Variants in DOCK5 observed in about 807,000 individuals in gnomAD.
DOCK5 encodes the protein dedicator of cytokinesis 5.
Under a neutral mutation model 251.8 loss-of-function variants are expected in DOCK5, and 142 were observed. That is an observed-to-expected ratio of 0.56 (90% confidence interval 0.49 to 0.65). The LOEUF (loss-of-function observed/expected upper bound fraction) is 0.65. Ranked by LOEUF, DOCK5 falls within the 30% of genes least tolerant of loss-of-function variation. The pLI is 0.00. For synonymous variants in DOCK5, 842 were observed against 835.5 expected (o/e 1.01, Z -0.13); for missense variants, 2,111 against 2,312.3 (o/e 0.91, Z 1.79).
intron 48 of DOCK5, among the ~76,000 whole-genome samples, chr8:25,404,565 C>CATTTTGG (rs1181993175): frequency 2.0e-5 from 3 of 152,094 alleles, no homozygotes; most frequent in Non-Finnish European, 4.4e-5. Context: ...CATTTTGGAG[C>CATTTTGG]ATTTTGGATT....
At chr8:25,396,005 T>C (rs1801339362) in intron 45 of DOCK5, 1 of 471,658 alleles carries the variant, frequency 2.1e-6, no homozygotes, top group Non-Finnish European at 3.9e-6. Context: ...TTATACAAAC[T>C]GATTGGTGGA....
At chr8:25,317,159 T>C (rs759629868) in intron 14 of DOCK5, 28 bp downstream of exon 14, 3 of 1,608,138 alleles carry the variant, frequency 1.9e-6, no homozygotes, top group Admixed American at 1.7e-5. Flanking sequence ...GAAATCCTGC[T>C]ACCATCGCAT....
At chr8:25,332,835 C>T in intron 20 of DOCK5, 143 bp downstream of exon 20, 1 of 623,546 alleles carries the variant, frequency 1.6e-6, no homozygotes, top group East Asian at 3.1e-5. Context: ...GGCTGAATTC[C>T]TAGAAGTACT....
intron 29 of DOCK5, among the ~76,000 whole-genome samples, chr8:25,364,252 C>G (rs538070516): frequency 5.3e-5 from 8 of 152,142 alleles, no homozygotes; most frequent in Non-Finnish European, 7.4e-5. Context: ...TTAGAAGAAG[C>G]CTTCTCTGCT....
intron 47 of DOCK5, among the ~76,000 whole-genome samples, chr8:25,403,034 G>C (rs984935753): frequency 6.6e-6 from 1 of 152,166 alleles, no homozygotes; most frequent in Non-Finnish European, 1.5e-5. Context: ...AATGAGCTTA[G>C]TCATTATTAG....
chr8:25,360,153 C>G (rs1050075914), intron 28 of DOCK5, among the ~76,000 whole-genome samples: 1 of 152,216 alleles, frequency 6.6e-6, no homozygotes, highest in Non-Finnish European at 1.5e-5. Context: ...TGGCCAGTGC[C>G]CCCATGGATT....
chr8:25,321,698 T>C (rs548622016), intron 16 of DOCK5, among the ~76,000 whole-genome samples: 4 of 152,258 alleles, frequency 2.6e-5, no homozygotes, highest in African/African-American at 9.6e-5. Context: ...CTTTGCTTGC[T>C]CCTCCGCCGC....
At chr8:25,407,012 C>A (rs766491050) in intron 48 of DOCK5, among the ~76,000 whole-genome samples, 88 of 152,206 alleles carry the variant, frequency 5.8e-4, no homozygotes, top group Non-Finnish European at 9.6e-4. Flanking sequence ...ATTAATTATT[C>A]TTCTACTATA....
In DOCK5 at chr8:25,392,383, C is replaced by T. The variant is rs529191016; in HGVS notation, c.4440+403C>T. On this transcript the variant is annotated intron_variant, in intron 43 of 51. Coordinates refer to ENST00000276440, the MANE Select transcript of DOCK5 (RefSeq NM_024940.8). Reference sequence around the variant, plus strand: ...ACCTAACCAGCTTCCACAGGAGAAACGATGGCACCCCTGGGAACAGAGACT... The same window carrying T: ...ACCTAACCAGCTTCCACAGGAGAAATGATGGCACCCCTGGGAACAGAGACT... Among the ~76,000 whole-genome samples, 4 of 151,714 alleles carry T rather than the reference C, an allele frequency of 2.6e-5. No homozygotes were observed. In the East Asian group the frequency reaches 5.8e-4, roughly 22 times the overall value.
In DOCK5 at chr8:25,184,842, G is replaced by T. The variant is rs1439595210; in HGVS notation, c.-67G>T. On this transcript the variant is annotated 5_prime_UTR_variant, in exon 1 of 52. Transcript: ENST00000276440. ...CTGGGGCACGCAGGAGCGCGGGGCG[G>T]CGGCGGCCGGAGCCCGAGGAGCTGT... 1.6e-6 allele frequency: 2 copies of T among 1,258,718 alleles called. No individual in the cohort carries two copies. The highest frequency in any genetic ancestry group is 8.4e-5 in the Admixed American group (2 of 23,822). The allele number at this position is 1,258,718 out of a possible 1,614,324, so 78.0% of individuals were successfully genotyped here. A position where few individuals can be genotyped will look rare whatever the true frequency, so the allele number is the denominator to read the frequency against.
chr8:25,333,064 G>C (rs1275155432), intron 20 of DOCK5, among the ~76,000 whole-genome samples: 1 of 152,210 alleles, frequency 6.6e-6, no homozygotes, highest in Non-Finnish European at 1.5e-5. Flanking sequence ...TCACAAGTCA[G>C]AGGTGAATCT....
rs145921891 is a variant in DOCK5, at chr8:25,358,989, C to T, written c.2877C>T (p.Ala959=). 20 of 1,613,830 alleles carry T rather than the reference C, an allele frequency of 1.2e-5. No homozygotes were observed. The African/African-American group carries it at 1.5e-4, about 12-fold the overall frequency. The change falls in exon 28 of 52, where the codon GCC becomes GCT. Residue 959 remains alanine (A), a synonymous_variant. Coordinates refer to ENST00000276440, the MANE Select transcript of DOCK5 (RefSeq NM_024940.8). ...HIGSFVACMI[A]LLQQMDDSHY... ...GGAGTTTTGTGGCTTGCATGATTGC[C>T]CTGCTGCAGCAAATGGACGACAGCC...
intron 33 of DOCK5, among the ~76,000 whole-genome samples, chr8:25,369,062 C>G (rs371568230): frequency 3.3e-5 from 5 of 152,176 alleles, no homozygotes; most frequent in African/African-American, 1.2e-4. Context: ...TATTATAGTA[C>G]GGCTGAAAGC....
At chr8:25,327,120 A>G (rs1805582734) in intron 18 of DOCK5, among the ~76,000 whole-genome samples, 1 of 152,186 alleles carries the variant, frequency 6.6e-6, no homozygotes, top group African/African-American at 2.4e-5. Context: ...AATAGTATCT[A>G]TTTCAAAGAA....
intron 1 of DOCK5, among the ~76,000 whole-genome samples, chr8:25,186,612 C>G (rs1801437582): frequency 6.6e-6 from 1 of 152,090 alleles, no homozygotes; most frequent in Non-Finnish European, 1.5e-5. Flanking sequence ...CTCCTGACCT[C>G]AGGTGATCCG....
Position 25,411,402 on chromosome 8 carries a change from T to G in DOCK5, c.*104T>G. 7 of 1,316,468 alleles carry G rather than the reference T, an allele frequency of 5.3e-6. No individual in the cohort carries two copies. The highest frequency in any genetic ancestry group is 6.8e-6 in the Non-Finnish European group (7 of 1,024,108). The allele number at this position is 1,316,468 out of a possible 1,614,324, so 81.5% of individuals were successfully genotyped here. A position where few individuals can be genotyped will look rare whatever the true frequency, so the allele number is the denominator to read the frequency against. The stretch of plus-strand genomic sequence containing the variant: ...CCATGGGGCTCCCTGCTGACTGCAT[T>G]TCCTGATCTGGGATGATGTTTACCA... On this transcript the variant is annotated 3_prime_UTR_variant, in exon 52 of 52. Transcript: ENST00000276440.
chr8:25,398,437 A>C (rs1053674474), intron 45 of DOCK5, among the ~76,000 whole-genome samples: 2 of 152,144 alleles, frequency 1.3e-5, no homozygotes, highest in African/African-American at 4.8e-5. Flanking sequence ...CTGTTGTATT[A>C]GTTTGCTAGG....
At chr8:25,191,272 C>T (rs760857320) in intron 1 of DOCK5, among the ~76,000 whole-genome samples, 1 of 152,050 alleles carries the variant, frequency 6.6e-6, no homozygotes, top group Non-Finnish European at 1.5e-5. Flanking sequence ...AGAGGCTTTG[C>T]AAAGTGCGAT....
chr8:25,313,746 G>A (rs758538534), intron 13 of DOCK5, among the ~76,000 whole-genome samples: 25 of 152,278 alleles, frequency 1.6e-4, no homozygotes, highest in Middle Eastern at 3.4e-3. Flanking sequence ...TCTTCACTTG[G>A]TTGTCCCTCT....
Sources: allele counts gnomAD v4.1 joint callset (sites outside exome capture counted in the v4.1 genomes callset), GRCh38; gene constraint gnomAD v4.1.1; transcripts MANE v1.5; gene names NCBI Gene and HGNC (gene_info 2026-07-23, HGNC 2026-07-21).